RNF38: variants seen among roughly 807,000 people sequenced by gnomAD.
The protein encoded by RNF38 is E3 ubiquitin-protein ligase RNF38.
In RNF38, 15 loss-of-function variants were observed where a neutral mutation model predicts 67.2. The observed-to-expected ratio is 0.22, with a 90% CI of 0.15 to 0.34. RNF38 has a LOEUF of 0.34. Ranked by LOEUF, RNF38 falls within the 10% of genes least tolerant of loss-of-function variation. The pLI is 1.00. For synonymous variants in RNF38, 220 were observed against 218.8 expected, an observed-to-expected ratio of 1.01 and a Z score of -0.05; for missense variants, 524 against 639.9, an observed-to-expected ratio of 0.82 and a Z score of 1.95.
rs953454535 is a variant in RNF38 at position 36,348,300 on chromosome 9, GA to G, written c.1263+2814del. Among the ~76,000 whole-genome samples the G allele has an allele frequency of 6.1e-3, 842 of 138,744 alleles. 5 individuals carry two copies. Among genetic ancestry groups the G allele is most frequent in the African/African-American group, 0.015 (576 of 37,952 alleles). The allele number at this position is 138,744 out of a possible 152,430, so 91.0% of individuals were successfully genotyped here. A position where few individuals can be genotyped will look rare whatever the true frequency, so the allele number is the denominator to read the frequency against. ...GGATGGCAAAACCTTATCTCTGAAAGAAAAAAAAAAAAATCCACAAAAATTA... is the reference window on the plus strand; with the variant it reads ...GGATGGCAAAACCTTATCTCTGAAAGAAAAAAAAAAAATCCACAAAAATTA... On this transcript the variant is annotated intron_variant, in intron 9 of 11. Coordinates refer to ENST00000259605, the MANE Select transcript of RNF38 (RefSeq NM_022781.5).
intron 1 of RNF38, among the ~76,000 whole-genome samples, chr9:36,477,474 G>A (rs1438463294): frequency 3.3e-5 from 5 of 151,946 alleles, no homozygotes; most frequent in Non-Finnish European, 5.9e-5. Flanking sequence ...CCAGGAGTTC[G>A]AGACCAGCCT....
intron 3 of RNF38, 135 bp from the exon 4 acceptor site, chr9:36,370,067 T>A: frequency 7.1e-6 from 5 of 708,696 alleles, no homozygotes; most frequent in Non-Finnish European, 9.0e-6. Flanking sequence ...AAATTCCCCA[T>A]CAGCTCTAAA....
rs78020772 is a variant in RNF38 at position 36,439,758 on chromosome 9, T to C, written n.242-15075A>G. Among the ~76,000 whole-genome samples, 541 of 130,036 alleles carry C rather than the reference T, an allele frequency of 4.2e-3. 3 individuals are homozygous for C. Among genetic ancestry groups the C allele is most frequent in the African/African-American group, 0.015 (515 of 33,536 alleles). The allele number at this position is 130,036 out of a possible 152,430, so 85.3% of individuals were successfully genotyped here. A position where few individuals can be genotyped will look rare whatever the true frequency, so the allele number is the denominator to read the frequency against. On this transcript the variant is annotated intron_variant and non_coding_transcript_variant, in intron 1 of 3. Coordinates refer to the RNF38 transcript ENST00000488058. ...GTGAGCCGAGATTATATCACTGTAC[T>C]CCAGCCTGGGCAGCACAGTGAGACT...
chr9:36,438,372 A>G (rs1189566398), intron 1 of RNF38, among the ~76,000 whole-genome samples: 1 of 152,122 alleles, frequency 6.6e-6, no homozygotes, highest in Non-Finnish European at 1.5e-5. Flanking sequence ...ATGCAGCCCA[A>G]CACAAATTCA....
chr9:36,448,391 A>G (rs1351890571), intron 1 of RNF38, among the ~76,000 whole-genome samples: 1 of 152,212 alleles, frequency 6.6e-6, no homozygotes, highest in African/African-American at 2.4e-5. Flanking sequence ...AATTATCATC[A>G]GGAAAAAGAA....
At chr9:36,391,980 T>A (rs1484972014) in intron 1 of RNF38, among the ~76,000 whole-genome samples, 1 of 152,082 alleles carries the variant, frequency 6.6e-6, no homozygotes, top group Non-Finnish European at 1.5e-5. Context: ...AGGATGTAAG[T>A]ATTATGGTAA....
intron 1 of RNF38, among the ~76,000 whole-genome samples, chr9:36,394,134 G>A (rs1405363589): frequency 6.6e-6 from 1 of 152,168 alleles, no homozygotes; most frequent in East Asian, 1.9e-4. Context: ...AATTAGCTGG[G>A]CGTGGTGGCG....
intron 2 of RNF38, among the ~76,000 whole-genome samples, chr9:36,414,473 T>C (rs772957984): frequency 2.0e-5 from 3 of 151,930 alleles, no homozygotes; most frequent in Non-Finnish European, 2.9e-5. Flanking sequence ...TCACCTGAGG[T>C]TGGGAGTTCG....
intron 1 of RNF38, among the ~76,000 whole-genome samples, chr9:36,477,099 G>A (rs1840137993): frequency 6.6e-6 from 1 of 151,866 alleles, no homozygotes; most frequent in African/African-American, 2.4e-5. Flanking sequence ...TGAGGCAGGT[G>A]GATCACAAGG....
intron 1 of RNF38, among the ~76,000 whole-genome samples, chr9:36,469,377 G>C (rs1467048977): frequency 2.0e-5 from 3 of 151,120 alleles, no homozygotes; most frequent in East Asian, 2.0e-4. Flanking sequence ...TAATGTTCAA[G>C]GGCCAGGCAC....
chr9:36,376,242 G>GA (rs973646310), intron 2 of RNF38, 115 bp from the exon 3 acceptor site: 5 of 746,358 alleles, frequency 6.7e-6, no homozygotes, highest in Admixed American at 7.4e-5. Context: ...GTAAAGCGGG[G>GA]AAAAAAATAT....
chr9:36,344,310 C>T (rs1216845775), intron 10 of RNF38, among the ~76,000 whole-genome samples: 7 of 152,050 alleles, frequency 4.6e-5, no homozygotes, highest in Admixed American at 2.6e-4. Flanking sequence ...CCACTGCGCC[C>T]GGCCTGAATT....
At chr9:36,427,874 C>T (rs1178595912) in intron 1 of RNF38, among the ~76,000 whole-genome samples, 1 of 151,434 alleles carries the variant, frequency 6.6e-6, no homozygotes, top group Non-Finnish European at 1.5e-5. Context: ...CCATGCCTGG[C>T]TAATTTTGTA....
In RNF38 at chr9:36,370,919, G is replaced by T. The variant is rs149562045; in HGVS notation, c.357-987C>A. On this transcript the variant is annotated intron_variant, in intron 3 of 11. Coordinates refer to ENST00000259605, the MANE Select transcript of RNF38 (RefSeq NM_022781.5). ...GTGAGACCATGTCTTAAAAAAAAAA[G>T]AGAGGGAGAGAATTTGCTTATTGAA... is the stretch of plus-strand genomic sequence containing the variant. 7.9e-4 allele frequency among the ~76,000 whole-genome samples: 120 copies of T among 151,616 alleles called. 1 individual carries two copies. Among genetic ancestry groups the T allele is most frequent in the African/African-American group, 2.8e-3 (118 of 41,420 alleles).
chr9:36,354,648 CTCTT>C (rs1380844302), intron 6 of RNF38, among the ~76,000 whole-genome samples: 4 of 152,218 alleles, frequency 2.6e-5, no homozygotes, highest in African/African-American at 9.7e-5. Context: ...GGATATACCA[CTCTT>C]TCGTCACCCA....
At chr9:36,391,612 CTTTT>C (rs1158051513) in intron 1 of RNF38, among the ~76,000 whole-genome samples, 22 of 134,642 alleles carry the variant, frequency 1.6e-4, no homozygotes, top group Non-Finnish European at 2.2e-4. Flanking sequence ...TCGTTTCCTA[CTTTT>C]TTTTTTTTTT....
chr9:36,380,972 A>G (rs1383346311), intron 2 of RNF38, among the ~76,000 whole-genome samples: 1 of 152,230 alleles, frequency 6.6e-6, no homozygotes, highest in Non-Finnish European at 1.5e-5. Context: ...TTTCCAAAGT[A>G]GTACACTTAA....
At chr9:36,446,544 C>T (rs1383489455) in intron 1 of RNF38, among the ~76,000 whole-genome samples, 4 of 152,098 alleles carry the variant, frequency 2.6e-5, no homozygotes, top group Non-Finnish European at 5.9e-5. Flanking sequence ...CAGTGGCTCA[C>T]GCCTGTAATC....
upstream of RNF38, chr9:36,400,942 TC>T (rs1300222610): frequency 1.1e-6 from 1 of 931,286 alleles, no homozygotes; most frequent in African/African-American, 2.4e-5. Context: ...TCACCCCGCC[TC>T]GGCGATCACA....
Sources: gnomAD v4.1 joint callset for allele counts (sites outside exome capture counted in the v4.1 genomes callset) on GRCh38, gnomAD v4.1.1 for gene constraint, MANE v1.5 for transcripts, NCBI Gene and HGNC (gene_info 2026-07-23, HGNC 2026-07-21) for gene names.